CYRIA: variants seen among roughly 807,000 people sequenced by gnomAD.
The protein encoded by CYRIA is CYFIP related Rac1 interactor A.
In CYRIA, 15 loss-of-function variants were observed where a neutral mutation model predicts 43.9. The observed-to-expected ratio is 0.34, with a 90% confidence interval of 0.23 to 0.53. CYRIA has a LOEUF of 0.53. CYRIA is among the 20% of genes least tolerant of loss of function. The pLI is 0.94. For missense variants in CYRIA, 236 were observed against 394.2 expected (o/e 0.60, Z 3.40); for synonymous variants, 117 against 136.0 (o/e 0.86, Z 0.97).
At chr2:16,662,242 G>A (rs1192746964) in intron 1 of CYRIA, among the ~76,000 whole-genome samples, 3 of 152,188 alleles carry the variant, frequency 2.0e-5, no homozygotes, top group African/African-American at 7.2e-5. Context: ...TTCATCCAAA[G>A]AGCTTTGTAC....
At chr2:16,603,555 C>G (rs1322984029) in intron 2 of CYRIA, among the ~76,000 whole-genome samples, 1 of 152,140 alleles carries the variant, frequency 6.6e-6, no homozygotes, top group Non-Finnish European at 1.5e-5. Context: ...TGAGCCCTCC[C>G]TCCCCCTCTA....
At chr2:16,556,150 TTC>T (rs1233017943) in intron 10 of CYRIA, among the ~76,000 whole-genome samples, 3 of 152,176 alleles carry the variant, frequency 2.0e-5, no homozygotes, top group Non-Finnish European at 4.4e-5. Context: ...TAGAAACATT[TTC>T]TGTCATTGTG....
chr2:16,658,727 T>G (rs1670175869), intron 1 of CYRIA, among the ~76,000 whole-genome samples: 1 of 152,158 alleles, frequency 6.6e-6, no homozygotes, highest in Non-Finnish European at 1.5e-5. Flanking sequence ...CTTCCACCCT[T>G]CCTTTTCTCT....
chr2:16,554,936 A>G (rs1389013209), intron 11 of CYRIA, 133 bp downstream of exon 11: 4 of 585,066 alleles, frequency 6.8e-6, no homozygotes, highest in Non-Finnish European at 1.2e-5. Flanking sequence ...TGACCTCAAA[A>G]GATTGTTAGG....
rs546446293 is a variant in CYRIA, at chr2:16,661,897, T to C, written c.-167+3883A>G. ...AATGGGGACAATAATACTAATGTCA[T>C]AGAATTGTACTGATAATTGAGAAAA... On this transcript the variant is annotated intron_variant, in intron 1 of 11. Coordinates refer to ENST00000381323, the MANE Select transcript of CYRIA (RefSeq NM_030797.4). 6.6e-5 allele frequency among the ~76,000 whole-genome samples: 10 copies of C among 152,278 alleles called. No individual in the cohort carries two copies. The East Asian group carries it at 9.6e-4, about 15-fold the overall frequency.
intron 2 of CYRIA, among the ~76,000 whole-genome samples, chr2:16,599,577 G>A (rs1284091651): frequency 1.5e-5 from 2 of 136,736 alleles, no homozygotes; most frequent in East Asian, 2.2e-4. Context: ...GCAATGCCTC[G>A]CCCTGCTTCG....
chr2:16,624,617 C>T (rs1041939107), intron 1 of CYRIA, among the ~76,000 whole-genome samples: 1 of 152,214 alleles, frequency 6.6e-6, no homozygotes, highest in Non-Finnish European at 1.5e-5. Context: ...CTCTCTCTCT[C>T]TCTCTCTTTC....
chr2:16,600,573 T>C (rs1418512532), intron 2 of CYRIA, among the ~76,000 whole-genome samples: 3 of 152,226 alleles, frequency 2.0e-5, no homozygotes, highest in African/African-American at 7.2e-5. Context: ...ATTTAATCTA[T>C]CTAGAAGCAC....
At position 16,550,397 on chromosome 2, in the gene CYRIA, A is replaced by G. The variant is rs1422900372; in HGVS notation, c.*2539T>C. On this transcript the variant is annotated 3_prime_UTR_variant, in exon 12 of 12. Transcript: ENST00000381323. ...GCTGTTAAAAGAATTTGTCTCCCAC[A>G]ATATCTCTGGAGTGGGCACAAAGCC... is the stretch of plus-strand genomic sequence containing the variant. 1 of 152,066 alleles carries G rather than the reference A, an allele frequency of 6.6e-6. No homozygotes were observed. Among genetic ancestry groups the G allele is most frequent in the Admixed American group, 6.6e-5 (1 of 15,266 alleles). The allele number at this position is 152,066 out of a possible 1,614,324, so 9.4% of individuals were successfully genotyped here.
chr2:16,581,571 A>T (rs1232778559), intron 3 of CYRIA, among the ~76,000 whole-genome samples: 1 of 151,864 alleles, frequency 6.6e-6, no homozygotes, highest in Non-Finnish European at 1.5e-5. Context: ...AAGCATGTTT[A>T]TTATTATTTT....
At chr2:16,641,251 C>G (rs1424195032) in intron 1 of CYRIA, among the ~76,000 whole-genome samples, 1 of 152,194 alleles carries the variant, frequency 6.6e-6, no homozygotes, top group Non-Finnish European at 1.5e-5. Context: ...CTTCTATTTT[C>G]TAAGGCCCTC....
intron 2 of CYRIA, among the ~76,000 whole-genome samples, chr2:16,607,593 C>CT (rs1009186406): frequency 6.6e-6 from 1 of 151,990 alleles, no homozygotes; most frequent in Non-Finnish European, 1.5e-5. Flanking sequence ...TTGCTTCTGC[C>CT]TTTTTTCTTT....
intron 1 of CYRIA, among the ~76,000 whole-genome samples, chr2:16,663,561 C>A (rs1670318564): frequency 6.6e-6 from 1 of 151,420 alleles, no homozygotes; most frequent in Admixed American, 6.6e-5. Context: ...GCTATGAACT[C>A]CTTGCCCAGG....
intron 3 of CYRIA, among the ~76,000 whole-genome samples, chr2:16,576,192 G>A (rs1667341224): frequency 6.6e-6 from 1 of 152,196 alleles, no homozygotes; most frequent in African/African-American, 2.4e-5. Context: ...GACCTTAGGA[G>A]GGTGAGGACA....
intron 2 of CYRIA, among the ~76,000 whole-genome samples, chr2:16,589,148 G>C (rs994487801): frequency 1.3e-5 from 2 of 152,046 alleles, no homozygotes; most frequent in African/African-American, 4.8e-5. Flanking sequence ...CTCTAACTCT[G>C]CTGTAAGTGA....
In CYRIA at chr2:16,652,148, T is replaced by C. The variant is rs999816081; in HGVS notation, c.-167+13632A>G. 3.9e-5 allele frequency among the ~76,000 whole-genome samples: 6 copies of C among 152,190 alleles called. No homozygotes were observed. In the East Asian group the frequency reaches 1.2e-3, roughly 29 times the overall value. On this transcript the variant is annotated intron_variant, in intron 1 of 11. Transcript: ENST00000381323. Reference sequence around the variant, plus strand: ...CTTTGACACCCACACATACTTCTGGTTGGAAATCCATTTCTATCATTCCTT... The same window carrying C: ...CTTTGACACCCACACATACTTCTGGCTGGAAATCCATTTCTATCATTCCTT...
chr2:16,583,007 A>G (rs747118600), intron 3 of CYRIA, among the ~76,000 whole-genome samples: 2 of 152,124 alleles, frequency 1.3e-5, no homozygotes, highest in Non-Finnish European at 2.9e-5. Context: ...TTTTTTTCAC[A>G]TCCTCACTAA....
intron 1 of CYRIA, among the ~76,000 whole-genome samples, chr2:16,625,973 C>A (rs1279467948): frequency 6.6e-6 from 1 of 152,016 alleles, no homozygotes; most frequent in African/African-American, 2.4e-5. Flanking sequence ...AGGCGGAACA[C>A]CGGGTTTCCT....
At chr2:16,633,222 A>G (rs999254167) in intron 1 of CYRIA, among the ~76,000 whole-genome samples, 4 of 152,036 alleles carry the variant, frequency 2.6e-5, no homozygotes, top group African/African-American at 7.3e-5. Context: ...TGCAGCCTAG[A>G]CTTTCACCCC....
Sources: allele counts gnomAD v4.1 joint callset (sites outside exome capture counted in the v4.1 genomes callset), GRCh38; gene constraint gnomAD v4.1.1; transcripts MANE v1.5; gene names NCBI Gene and HGNC (gene_info 2026-07-23, HGNC 2026-07-21).